The following ALOX5 variants were observed in gnomAD, a reference collection of about 807,000 sequenced individuals.
The protein encoded by ALOX5 is arachidonate 5-lipoxygenase.
In ALOX5, 64 loss-of-function variants were observed where a neutral mutation model predicts 87.9. That is an observed-to-expected ratio of 0.73 (90% CI 0.60 to 0.90). The LOEUF is 0.90. Among genes scored for constraint, ALOX5 ranks in the 40% least tolerant of loss-of-function variants. The pLI, the probability that ALOX5 is intolerant of heterozygous loss-of-function variation, is 0.00. For synonymous variants in ALOX5, 388 were observed against 355.1 expected, an observed-to-expected ratio of 1.09 and a Z score of -1.04; for missense variants, 822 against 907.5, an observed-to-expected ratio of 0.91 and a Z score of 1.21.
In ALOX5 at chr10:45,444,166, G is replaced by A. The variant is rs780135355; in HGVS notation, c.1725G>A (p.Pro575=). The A allele has an allele frequency of 3.2e-6, 5 of 1,556,086 alleles. No homozygotes were observed. In the East Asian group the frequency reaches 7.2e-5, roughly 23 times the overall value. The change falls in exon 13 of 14, where the codon CCG becomes CCA. Residue 575 remains proline (P), a synonymous_variant. Coordinates refer to ENST00000374391, the MANE Select transcript of ALOX5 (RefSeq NM_000698.5). ...ATGCGCCCCCAACCATGCGAGCCCC[G>A]CCACCGACTGCCAAGGGCGTGGTGA... is the stretch of plus-strand genomic sequence containing the variant. ...IPNAPPTMRA[P]PPTAKGVVTI...
intron 1 of ALOX5, among the ~76,000 whole-genome samples, chr10:45,377,748 C>G (rs561695660): frequency 3.9e-5 from 6 of 152,140 alleles, no homozygotes; most frequent in African/African-American, 9.7e-5. Flanking sequence ...TCCTTGCTTC[C>G]GCAGAGAGAT....
intron 3 of ALOX5, among the ~76,000 whole-genome samples, chr10:45,396,724 C>T (rs1369436443): frequency 2.0e-5 from 3 of 152,190 alleles, no homozygotes; most frequent in African/African-American, 2.4e-5. Flanking sequence ...AATTCATTGT[C>T]TCATACCCAT....
At chr10:45,409,718 A>G (rs1841005751) in intron 3 of ALOX5, among the ~76,000 whole-genome samples, 1 of 151,924 alleles carries the variant, frequency 6.6e-6, no homozygotes, top group Non-Finnish European at 1.5e-5. Flanking sequence ...TCCTCAATGG[A>G]GTGGGATTCC....
chr10:45,404,881 C>T (rs1840823035), intron 3 of ALOX5, among the ~76,000 whole-genome samples: 1 of 152,212 alleles, frequency 6.6e-6, no homozygotes, highest in Non-Finnish European at 1.5e-5. Context: ...CCAGTAGACA[C>T]CCCAGTAACT....
rs147327397 is a variant in ALOX5 at position 45,443,061 on chromosome 10, G to T, written c.1296G>T (p.Gly432=). The stretch of plus-strand genomic sequence containing the variant: ...AGGCCAACGCCACAGGGGGCGGTGG[G>T]CACGTGCAGATGGTGCAGAGGGCCA... ...FDKANATGGG[G]HVQMVQRAMK... Residue 432 remains glycine (G), a synonymous_variant, in exon 10 of 14, where the codon GGG becomes GGT. Coordinates refer to ENST00000374391, the MANE Select transcript of ALOX5 (RefSeq NM_000698.5). 1.1e-5 allele frequency: 17 copies of T among 1,612,966 alleles called. No homozygotes were observed. In the African/African-American group the frequency reaches 1.1e-4, roughly 10 times the overall value.
At chr10:45,375,009 CT>C in intron 1 of ALOX5, among the ~76,000 whole-genome samples, 1 of 152,282 alleles carries the variant, frequency 6.6e-6, no homozygotes, top group East Asian at 1.9e-4. Flanking sequence ...GTTTCCCCAG[CT>C]GAAAATGGAG....
chr10:45,377,433 C>A (rs557820810), intron 1 of ALOX5, among the ~76,000 whole-genome samples: 1 of 151,584 alleles, frequency 6.6e-6, no homozygotes, highest in Admixed American at 6.6e-5. Flanking sequence ...TTCTTTTTTG[C>A]TCTGAATTTT....
intron 3 of ALOX5, among the ~76,000 whole-genome samples, chr10:45,405,974 G>A (rs888922807): frequency 4.6e-5 from 7 of 152,174 alleles, no homozygotes; most frequent in Admixed American, 6.5e-5. Flanking sequence ...TTGGATGACA[G>A]GGATGATGTC....
rs547612422 is a variant in ALOX5, at chr10:45,382,542, C to T, written c.210C>T (p.Ile70=). 79 of 1,614,140 alleles carry T rather than the reference C, an allele frequency of 4.9e-5. No homozygotes were observed. In the East Asian group the frequency reaches 1.4e-3, roughly 28 times the overall value. The change falls in exon 2 of 14, where the codon ATC becomes ATT. Residue 70 remains isoleucine, a synonymous_variant. Transcript: ENST00000374391. ...TGGGCGAGATCCAGCTGGTCAGAAT[C>T]GAGAAGCGCAAGTACTGGCTGAATG... is the stretch of plus-strand genomic sequence containing the variant. ...EELGEIQLVR[I]EKRKYWLNDD... is the part of the protein sequence containing the mutation.
At chr10:45,436,177 A>C (rs143772290) in intron 7 of ALOX5, among the ~76,000 whole-genome samples, 1,557 of 152,262 alleles carry the variant, frequency 0.01, 29 homozygotes, top group African/African-American at 0.035. Flanking sequence ...GCATAGTTGC[A>C]AATATTTTCT....
intron 9 of ALOX5, among the ~76,000 whole-genome samples, chr10:45,442,449 G>A (rs987703980): frequency 7.9e-5 from 12 of 152,312 alleles, no homozygotes; most frequent in East Asian, 3.9e-4. Context: ...CTGTGGCACC[G>A]ACAGCCCAGC....
At chr10:45,443,321 G>A (rs1842304508) in intron 10 of ALOX5, 95 bp from the exon 11 acceptor site, 7 of 1,583,996 alleles carry the variant, frequency 4.4e-6, no homozygotes, top group Non-Finnish European at 5.2e-6. Flanking sequence ...TGGGGACGGG[G>A]TGGGGGAGTC....
intron 6 of ALOX5, 184 bp from the exon 7 acceptor site, chr10:45,428,434 A>T: frequency 1.4e-6 from 1 of 720,794 alleles, no homozygotes; most frequent in Non-Finnish European, 2.2e-6. Context: ...AACTGCCACA[A>T]CCTGTGAACA....
At chr10:45,414,650 C>T (rs181600331) in intron 4 of ALOX5, among the ~76,000 whole-genome samples, 108 of 152,218 alleles carry the variant, frequency 7.1e-4, no homozygotes, top group African/African-American at 2.4e-3. Flanking sequence ...AGTGAACAGG[C>T]AACCTACAGA....
At chr10:45,387,054 C>A (rs952562323) in intron 2 of ALOX5, among the ~76,000 whole-genome samples, 2 of 152,146 alleles carry the variant, frequency 1.3e-5, no homozygotes, top group Non-Finnish European at 2.9e-5. Flanking sequence ...GCATTTACTG[C>A]GTGCCAGGCG....
At chr10:45,392,222 T>A (rs1049929560) in intron 2 of ALOX5, among the ~76,000 whole-genome samples, 6 of 152,124 alleles carry the variant, frequency 3.9e-5, no homozygotes, top group Non-Finnish European at 7.4e-5. Context: ...AACAGCTCAT[T>A]GAGAACGGGC....
At chr10:45,412,683 G>A (rs1414631789) in intron 4 of ALOX5, among the ~76,000 whole-genome samples, 1 of 152,156 alleles carries the variant, frequency 6.6e-6, no homozygotes, top group Non-Finnish European at 1.5e-5. Flanking sequence ...GGTAAGAATG[G>A]CCAAATTGCC....
At chr10:45,430,555 G>T (rs924841000) in intron 7 of ALOX5, among the ~76,000 whole-genome samples, 1 of 152,048 alleles carries the variant, frequency 6.6e-6, no homozygotes. Flanking sequence ...CTCACTTGAG[G>T]CTGTAGTGTG....
intron 3 of ALOX5, 68 bp from the exon 4 acceptor site, chr10:45,412,123 G>A: frequency 3.1e-6 from 5 of 1,598,252 alleles, no homozygotes; most frequent in Middle Eastern, 1.7e-4. Flanking sequence ...AGTGTGGGCG[G>A]CCCTCAGCTG....
Sources: gnomAD v4.1 joint callset for allele counts (sites outside exome capture counted in the v4.1 genomes callset) on GRCh38, gnomAD v4.1.1 for gene constraint, MANE v1.5 for transcripts, NCBI Gene and HGNC (gene_info 2026-07-23, HGNC 2026-07-21) for gene names.